Variants in HIBADH observed in about 807,000 individuals in gnomAD.
HIBADH encodes the protein 3-hydroxyisobutyrate dehydrogenase, also known as 3-hydroxyisobutyrate dehydrogenase, mitochondrial.
Under a neutral mutation model 36.1 loss-of-function variants are expected in HIBADH, and 25 were observed. The observed-to-expected ratio is 0.69, with a 90% CI of 0.50 to 0.97. The LOEUF (loss-of-function observed/expected upper bound fraction) is 0.97. Among genes scored for constraint, HIBADH ranks in the 50% least tolerant of loss-of-function variants. HIBADH has a pLI of 0.00. For missense variants in HIBADH, 421 were observed against 418.0 expected (o/e 1.01, Z -0.06); for synonymous variants, 160 against 149.5 (o/e 1.07, Z -0.51).
At chr7:27,552,666 G>A (rs1313705600) in intron 4 of HIBADH, among the ~76,000 whole-genome samples, 1 of 152,118 alleles carries the variant, frequency 6.6e-6, no homozygotes, top group Non-Finnish European at 1.5e-5. Context: ...TTAAATTCTA[G>A]AATATGACTT....
At chr7:27,552,346 C>A (rs1784330458) in intron 4 of HIBADH, among the ~76,000 whole-genome samples, 2 of 152,150 alleles carry the variant, frequency 1.3e-5, no homozygotes, top group Admixed American at 6.5e-5. Context: ...ATTATCCAAG[C>A]TGGAAACAGA....
chr7:27,549,233 GTATTGTATT>G (rs1784280026), intron 4 of HIBADH, among the ~76,000 whole-genome samples: 1 of 152,136 alleles, frequency 6.6e-6, no homozygotes, highest in South Asian at 2.1e-4. Context: ...TAATAACAAT[GTATTGTATT>G]CTTGAAAATT....
At chr7:27,551,421 G>T (rs564988115) in intron 4 of HIBADH, among the ~76,000 whole-genome samples, 1 of 152,228 alleles carries the variant, frequency 6.6e-6, no homozygotes, top group Admixed American at 6.5e-5. Context: ...CATTGGAAAG[G>T]TATATAGCTA....
At chr7:27,608,905 C>A (rs576357113) in intron 4 of HIBADH, among the ~76,000 whole-genome samples, 13 of 152,290 alleles carry the variant, frequency 8.5e-5, no homozygotes, top group African/African-American at 3.1e-4. Flanking sequence ...CATATACTTT[C>A]CAGCATAACC....
intron 3 of HIBADH, among the ~76,000 whole-genome samples, chr7:27,631,614 A>C (rs1031725789): frequency 2.0e-5 from 3 of 152,222 alleles, no homozygotes; most frequent in African/African-American, 7.2e-5. Context: ...TTTGGCAATA[A>C]GCAGCAATTA....
chr7:27,551,545 C>T (rs1784320171), intron 4 of HIBADH, among the ~76,000 whole-genome samples: 1 of 152,146 alleles, frequency 6.6e-6, no homozygotes, highest in African/African-American at 2.4e-5. Flanking sequence ...TTTAGCCTTA[C>T]TGAAAAGCTG....
chr7:27,543,204 C>A, intron 4 of HIBADH, 104 bp from the exon 5 acceptor site: 1 of 1,171,666 alleles, frequency 8.5e-7, no homozygotes, highest in Non-Finnish European at 1.2e-6. Flanking sequence ...ATCCTGCCTC[C>A]AATCTGTATT....
intron 4 of HIBADH, among the ~76,000 whole-genome samples, chr7:27,574,474 G>GAAAGT (rs904167457): frequency 6.6e-6 from 1 of 152,006 alleles, no homozygotes; most frequent in African/African-American, 2.4e-5. Flanking sequence ...TTTTTCCAAG[G>GAAAGT]AAAGTACATT....
chr7:27,527,401 G>C lies in HIBADH; in HGVS notation c.853-1029C>G, dbSNP rs143026732. Among the ~76,000 whole-genome samples, 841 of 152,246 alleles carry C rather than the reference G, an allele frequency of 5.5e-3. 3 individuals carry two copies. Among genetic ancestry groups the C allele is most frequent in the South Asian group, 0.011 (52 of 4,820 alleles). ...GATGTATTTGTGGTACAACACAAACGAGGCTCAGCCAAGGTACAGCTAGCT... is the reference window on the plus strand; with the variant it reads ...GATGTATTTGTGGTACAACACAAACCAGGCTCAGCCAAGGTACAGCTAGCT... On this transcript the variant is annotated intron_variant, in intron 7 of 7. Coordinates refer to ENST00000265395, the MANE Select transcript of HIBADH (RefSeq NM_152740.4).
chr7:27,582,503 A>G (rs997682714), intron 4 of HIBADH, among the ~76,000 whole-genome samples: 1 of 152,078 alleles, frequency 6.6e-6, no homozygotes, highest in African/African-American at 2.4e-5. Context: ...TTCCTATTTT[A>G]TGAACAGGAA....
intron 4 of HIBADH, among the ~76,000 whole-genome samples, chr7:27,612,215 T>C (rs1785333025): frequency 1.3e-5 from 2 of 152,156 alleles, no homozygotes; most frequent in South Asian, 4.1e-4. Context: ...CAGAAACAAG[T>C]AGATAATCTT....
chr7:27,582,242 T>A (rs1784804010), intron 4 of HIBADH, among the ~76,000 whole-genome samples: 1 of 152,186 alleles, frequency 6.6e-6, no homozygotes, highest in Non-Finnish European at 1.5e-5. Context: ...TTCACTCATT[T>A]GGCAGCAAAA....
intron 4 of HIBADH, among the ~76,000 whole-genome samples, chr7:27,543,731 C>A (rs1463470860): frequency 6.6e-6 from 1 of 152,054 alleles, no homozygotes; most frequent in Non-Finnish European, 1.5e-5. Context: ...CTTTTCCTTC[C>A]TGCTATACAT....
rs557430549 is a variant in HIBADH, at chr7:27,557,885, C to T, written c.485-14785G>A. Among the ~76,000 whole-genome samples the T allele has an allele frequency of 1.8e-4, 28 of 152,318 alleles. No homozygotes were observed. The Middle Eastern group carries it at 0.01, about 56-fold the overall frequency. On this transcript the variant is annotated intron_variant, in intron 4 of 7. Coordinates refer to ENST00000265395, the MANE Select transcript of HIBADH (RefSeq NM_152740.4). The stretch of plus-strand genomic sequence containing the variant: ...AGAACTAAGTATTACTTGAAGACTA[C>T]ATAAGATTTGTCTTTTAAAACCATC...
At position 27,662,808 on chromosome 7, in the gene HIBADH, C is replaced by T; in HGVS notation, c.-20G>A. On this transcript the variant is annotated 5_prime_UTR_variant, in exon 1 of 8. Coordinates refer to ENST00000265395, the MANE Select transcript of HIBADH (RefSeq NM_152740.4). Reference sequence around the variant, plus strand: ...TGCCATGCTGCGCCCGCCCCTCTCCCCGCGGTGACCTCCGCCGCCTCCCGG... The same window carrying T: ...TGCCATGCTGCGCCCGCCCCTCTCCTCGCGGTGACCTCCGCCGCCTCCCGG... 1 of 1,463,992 alleles carries T rather than the reference C, an allele frequency of 6.8e-7. No homozygotes were observed. The highest frequency in any genetic ancestry group is 1.5e-5 in the African/African-American group (1 of 67,974). 90.7% of individuals were successfully genotyped at this position (1,463,992 alleles called of 1,614,324 possible). A position where few individuals can be genotyped will look rare whatever the true frequency, so the allele number is the denominator to read the frequency against.
chr7:27,542,928 T>C (rs1784177484), intron 5 of HIBADH, 39 bp downstream of exon 5: 2 of 1,593,658 alleles, frequency 1.3e-6, no homozygotes, highest in Non-Finnish European at 8.6e-7. Flanking sequence ...TAGTCAATTT[T>C]ACATCATCAA....
intron 4 of HIBADH, among the ~76,000 whole-genome samples, chr7:27,618,630 AGC>A (rs1364812808): frequency 6.6e-6 from 1 of 152,222 alleles, no homozygotes; most frequent in South Asian, 2.1e-4. Flanking sequence ...CACAGGTGCC[AGC>A]ATGTATGAGG....
At chr7:27,576,382 T>C (rs1462037225) in intron 4 of HIBADH, among the ~76,000 whole-genome samples, 3 of 152,224 alleles carry the variant, frequency 2.0e-5, no homozygotes, top group South Asian at 2.1e-4. Flanking sequence ...AATAGTGCAT[T>C]AGCATAACCA....
intron 1 of HIBADH, among the ~76,000 whole-genome samples, chr7:27,651,719 C>G (rs998052395): frequency 6.6e-6 from 1 of 152,174 alleles, no homozygotes; most frequent in Non-Finnish European, 1.5e-5. Flanking sequence ...AAACACTAAG[C>G]AACTATCACA....
Sources: allele counts gnomAD v4.1 joint callset (sites outside exome capture counted in the v4.1 genomes callset), GRCh38; gene constraint gnomAD v4.1.1; transcripts MANE v1.5; gene names NCBI Gene and HGNC (gene_info 2026-07-23, HGNC 2026-07-21).